ADCY8: variants seen among roughly 807,000 people sequenced by gnomAD.
ADCY8 encodes adenylate cyclase type 8.
Under a neutral mutation model 119.7 loss-of-function variants are expected in ADCY8, and 51 were observed. The observed-to-expected ratio is 0.43, with a 90% confidence interval of 0.34 to 0.54. The LOEUF (loss-of-function observed/expected upper bound fraction) is 0.54. Ranked by LOEUF, ADCY8 falls within the 20% of genes least tolerant of loss-of-function variation. The pLI, the probability that ADCY8 is intolerant of heterozygous loss-of-function variation, is 0.03. For synonymous variants in ADCY8, 665 were observed against 651.0 expected, an observed-to-expected ratio of 1.02 and a Z score of -0.33; for missense variants, 1,383 against 1,598.8, an observed-to-expected ratio of 0.87 and a Z score of 2.30.
chr8:130,829,627 T>C (rs1244040901), intron 12 of ADCY8, among the ~76,000 whole-genome samples: 1 of 152,212 alleles, frequency 6.6e-6, no homozygotes, highest in African/African-American at 2.4e-5. Flanking sequence ...GGAAGGTAAA[T>C]ACTTGTCCTA....
intron 9 of ADCY8, among the ~76,000 whole-genome samples, chr8:130,860,803 C>A (rs1817902455): frequency 2.0e-5 from 3 of 152,076 alleles, no homozygotes; most frequent in African/African-American, 7.2e-5. Context: ...CCCCCCACCC[C>A]CAACAGGCCC....
chr8:131,001,466 A>T (rs1242604153), intron 1 of ADCY8, among the ~76,000 whole-genome samples: 1 of 151,774 alleles, frequency 6.6e-6, no homozygotes, highest in Admixed American at 6.6e-5. Context: ...CAACTTTCTG[A>T]TCTGACCAAT....
intron 5 of ADCY8, among the ~76,000 whole-genome samples, chr8:130,911,513 AT>A (rs36185098): frequency 0.32 from 48,196 of 151,630 alleles, 8,960 homozygotes; most frequent in East Asian, 0.57. Flanking sequence ...ACTATTAAAA[AT>A]TTTTTTTAAA....
intron 6 of ADCY8, among the ~76,000 whole-genome samples, chr8:130,908,511 CA>C (rs111364640): frequency 6.6e-6 from 1 of 151,886 alleles, no homozygotes; most frequent in South Asian, 2.1e-4. Context: ...GCACAGTGTA[CA>C]AAAAAAAGCG....
intron 2 of ADCY8, among the ~76,000 whole-genome samples, chr8:130,982,788 C>T (rs1822277645): frequency 6.6e-6 from 1 of 152,192 alleles, no homozygotes; most frequent in South Asian, 2.1e-4. Context: ...AATGTATAAT[C>T]AACATTCAAT....
At chr8:130,835,664 G>A (rs778117576) in intron 12 of ADCY8, among the ~76,000 whole-genome samples, 3 of 152,066 alleles carry the variant, frequency 2.0e-5, no homozygotes, top group Middle Eastern at 6.8e-3. Context: ...CAAAATCCAT[G>A]CATGTTCAAG....
chr8:131,040,316 C>T lies in ADCY8; in HGVS notation c.18G>A (p.Val6=), dbSNP rs1824347575. The change falls in exon 1 of 18, where the codon GTG becomes GTA. Residue 6 remains valine (V), a synonymous_variant. Coordinates refer to ENST00000286355, the MANE Select transcript of ADCY8 (RefSeq NM_001115.3). ...GTTCCTCGCTGCCTGTAAGGCAGCG[C>T]ACATCGGAGAGCTCCATGGCTCTGG... MELSD[V]RCLTGSEELY... The T allele has an allele frequency of 1.1e-5, 17 of 1,533,652 alleles. No individual in the cohort carries two copies. The highest frequency in any genetic ancestry group is 1.4e-5 in the Non-Finnish European group (16 of 1,144,556).
chr8:130,845,156 AG>A (rs1192230996), intron 11 of ADCY8, among the ~76,000 whole-genome samples: 6 of 152,160 alleles, frequency 3.9e-5, no homozygotes, highest in Non-Finnish European at 4.4e-5. Context: ...ACTGAAACAA[AG>A]CTGTGTGATC....
chr8:130,903,891 G>A lies in ADCY8; in HGVS notation c.1792C>T (p.Pro598Ser), dbSNP rs1463379192. ...KQPEDSLLSL[P>S]EDIVKESVSS... ...ACTGACTCCTTGACGATATCTTCAG[G>A]CAAGGACAGCAGACTGTCCTCAGGC... is the stretch of plus-strand genomic sequence containing the variant. Residue 598 changes from proline to serine, a missense_variant, in exon 7 of 18, where the codon CCT (proline) becomes TCT (serine). Coordinates refer to ENST00000286355, the MANE Select transcript of ADCY8 (RefSeq NM_001115.3). 1 of 1,614,078 alleles carries A rather than the reference G, an allele frequency of 6.2e-7. No individual in the cohort carries two copies. The highest frequency in any genetic ancestry group is 1.7e-5 in the Admixed American group (1 of 60,012).
intron 2 of ADCY8, among the ~76,000 whole-genome samples, chr8:130,958,374 C>G (rs1319091722): frequency 1.3e-5 from 2 of 152,082 alleles, no homozygotes; most frequent in Non-Finnish European, 2.9e-5. Context: ...GTTACCCTCT[C>G]GTGGAGACCT....
At chr8:131,020,929 C>T (rs1234595703) in intron 1 of ADCY8, among the ~76,000 whole-genome samples, 1 of 152,180 alleles carries the variant, frequency 6.6e-6, no homozygotes, top group East Asian at 1.9e-4. Flanking sequence ...GATGACATGA[C>T]ATCTGATCTA....
chr8:131,029,935 T>C (rs1229908430), intron 1 of ADCY8, among the ~76,000 whole-genome samples: 1 of 152,128 alleles, frequency 6.6e-6, no homozygotes, highest in East Asian at 1.9e-4. Context: ...TCATTTAAAA[T>C]ATGATATTCA....
intron 9 of ADCY8, among the ~76,000 whole-genome samples, chr8:130,860,034 G>A (rs1817876114): frequency 6.6e-6 from 1 of 151,984 alleles, no homozygotes; most frequent in Admixed American, 6.6e-5. Flanking sequence ...CAGAGTTTTT[G>A]TTGTTGTTGT....
chr8:131,025,574 C>T (rs866800003), intron 1 of ADCY8, among the ~76,000 whole-genome samples: 7 of 152,300 alleles, frequency 4.6e-5, no homozygotes, highest in Non-Finnish European at 1.5e-5. Flanking sequence ...TCAAAGAGCA[C>T]GTTGTTTAAC....
chr8:130,785,448 T>G lies in ADCY8; in HGVS notation c.3088A>C (p.Ile1030Leu). 1 of 1,611,012 alleles carries G rather than the reference T, an allele frequency of 6.2e-7. No individual in the cohort carries two copies. ...CTGCCAATGGTCTTAATCTTTTCAATGTCTTGAAATCGGTCTTCACCAAGC... is the reference window on the plus strand; with the variant it reads ...CTGCCAATGGTCTTAATCTTTTCAAGGTCTTGAAATCGGTCTTCACCAAGC... ...ELLGEDRFQD[I>L]EKIKTIGSTY... The change falls in exon 16 of 18, where the codon ATT (isoleucine) becomes CTT (leucine). Residue 1030 changes from isoleucine (I) to leucine (L), a missense_variant. Ile to Leu is a conservative substitution (Grantham distance 5). Coordinates refer to ENST00000286355, the MANE Select transcript of ADCY8 (RefSeq NM_001115.3).
At position 130,932,934 on chromosome 8, in the gene ADCY8, C is replaced by G. The variant is rs569393734; in HGVS notation, c.1481+4139G>C. On this transcript the variant is annotated intron_variant, in intron 5 of 17. Transcript: ENST00000286355. ...TTTGAGTGTTGGTTTGCCATTTGCACAAAAATTATAGATCTCACCTAAACA... is the reference window on the plus strand; with the variant it reads ...TTTGAGTGTTGGTTTGCCATTTGCAGAAAAATTATAGATCTCACCTAAACA... Among the ~76,000 whole-genome samples, 6 of 152,202 alleles carry G rather than the reference C, an allele frequency of 3.9e-5. No individual in the cohort carries two copies. The South Asian group carries it at 1.2e-3, about 32-fold the overall frequency.
intron 1 of ADCY8, among the ~76,000 whole-genome samples, chr8:131,005,147 A>T (rs1823074214): frequency 6.6e-6 from 1 of 152,360 alleles, no homozygotes; most frequent in South Asian, 2.1e-4. Context: ...TACTGAGAGC[A>T]TAAAATGAAG....
intron 6 of ADCY8, among the ~76,000 whole-genome samples, chr8:130,909,007 C>CTCTT (rs1030179695): frequency 2.4e-5 from 3 of 123,580 alleles, no homozygotes; most frequent in Non-Finnish European, 3.7e-5. Context: ...CTCTCTCTCT[C>CTCTT]TCTTTCTCTA....
At chr8:130,943,838 T>C (rs1385206226) in intron 3 of ADCY8, among the ~76,000 whole-genome samples, 1 of 152,118 alleles carries the variant, frequency 6.6e-6, no homozygotes, top group Non-Finnish European at 1.5e-5. Context: ...GCACATGCAA[T>C]GAACACAGAG....
Sources: allele counts gnomAD v4.1 joint callset (sites outside exome capture counted in the v4.1 genomes callset), GRCh38; gene constraint gnomAD v4.1.1; transcripts MANE v1.5; gene names NCBI Gene and HGNC (gene_info 2026-07-23, HGNC 2026-07-21).